MFHAS1: variants seen among roughly 807,000 people sequenced by gnomAD.
MFHAS1 encodes multifunctional ROCO family signaling regulator 1, also known as malignant fibrous histiocytoma-amplified sequence 1.
Under a neutral mutation model 70.4 loss-of-function variants are expected in MFHAS1, and 50 were observed. The observed-to-expected ratio is 0.71, with a 90% CI of 0.57 to 0.90. The LOEUF (loss-of-function observed/expected upper bound fraction) is 0.90, where lower values mean the gene tolerates loss of function less well. Ranked by LOEUF, MFHAS1 falls within the 40% of genes least tolerant of loss-of-function variation. The pLI is 0.00. For synonymous variants in MFHAS1, 952 were observed against 620.0 expected (o/e 1.54, Z -7.96); for missense variants, 1,795 against 1,347.6 (o/e 1.33, Z -5.20).
chr8:8,842,048 G>C (rs1236335892), intron 1 of MFHAS1, among the ~76,000 whole-genome samples: 5 of 152,372 alleles, frequency 3.3e-5, no homozygotes. Flanking sequence ...GGGAGGCTGA[G>C]TGCCAACAAG....
Position 8,797,578 on chromosome 8 carries a change from G to A in MFHAS1, c.2999-87C>T, listed in dbSNP as rs73517979. On this transcript the variant is annotated intron_variant, in intron 1 of 2. Coordinates refer to ENST00000276282, the MANE Select transcript of MFHAS1 (RefSeq NM_004225.3). ...AAAGACAGCACTGCCCGGGGATGGG[G>A]GCAGGGGGAGAAGGGCAGAGGTGAA... 6,799 of 1,441,270 alleles carry A rather than the reference G, an allele frequency of 4.7e-3. 260 individuals carry two copies. The African/African-American group carries it at 0.08, about 17-fold the overall frequency. The allele number at this position is 1,441,270 out of a possible 1,614,324, so 89.3% of individuals were successfully genotyped here.
chr8:8,804,506 T>C (rs892701866), intron 1 of MFHAS1, among the ~76,000 whole-genome samples: 1 of 152,170 alleles, frequency 6.6e-6, no homozygotes, highest in Non-Finnish European at 1.5e-5. Context: ...GTACAATCGG[T>C]AGGGTAAATA....
intron 1 of MFHAS1, among the ~76,000 whole-genome samples, chr8:8,825,605 GC>G (rs1563191400): frequency 2.6e-5 from 4 of 152,142 alleles, no homozygotes. Flanking sequence ...TCTTCACGTG[GC>G]CTTCCCTCTG....
intron 2 of MFHAS1, among the ~76,000 whole-genome samples, chr8:8,786,489 G>GA (rs1245175889): frequency 1.3e-5 from 2 of 152,184 alleles, no homozygotes; most frequent in African/African-American, 4.8e-5. Flanking sequence ...TGAGATGTCT[G>GA]TCTGCCTAAA....
At chr8:8,791,669 C>A (rs1334828883) in intron 2 of MFHAS1, among the ~76,000 whole-genome samples, 1 of 152,162 alleles carries the variant, frequency 6.6e-6, no homozygotes, top group East Asian at 1.9e-4. Flanking sequence ...CAAATAAAAG[C>A]TTTAAAAGAT....
intron 1 of MFHAS1, among the ~76,000 whole-genome samples, chr8:8,869,843 G>C (rs1307715145): frequency 6.6e-6 from 1 of 152,118 alleles, no homozygotes; most frequent in Non-Finnish European, 1.5e-5. Context: ...AGAGGCCCAG[G>C]ACTCTGCCTC....
In MFHAS1 at chr8:8,886,313, G is replaced by C. The variant is rs117201516; in HGVS notation, c.2998+3748C>G. Among the ~76,000 whole-genome samples, 311 of 152,068 alleles carry C rather than the reference G, an allele frequency of 2.0e-3. 1 individual carries two copies. The highest frequency in any genetic ancestry group is 2.6e-3 in the Non-Finnish European group (177 of 67,992). ...CCCAACTAGCTGGGACCACAAGTGT[G>C]CACGCTTAGCTGATTTTTATTTTTT... On this transcript the variant is annotated intron_variant, in intron 1 of 2. Transcript: ENST00000276282.
At chr8:8,867,976 C>A (rs892376754) in intron 1 of MFHAS1, among the ~76,000 whole-genome samples, 4 of 152,142 alleles carry the variant, frequency 2.6e-5, no homozygotes, top group African/African-American at 4.8e-5. Flanking sequence ...AAATGGAACT[C>A]GAGTTTTTCC....
chr8:8,843,195 G>A (rs1002093366), intron 1 of MFHAS1, among the ~76,000 whole-genome samples: 1 of 151,846 alleles, frequency 6.6e-6, no homozygotes, highest in Non-Finnish European at 1.5e-5. Context: ...CGTGAACCCC[G>A]GAAGCGGAGC....
chr8:8,863,209 C>T (rs1254590056), intron 1 of MFHAS1, among the ~76,000 whole-genome samples: 1 of 152,226 alleles, frequency 6.6e-6, no homozygotes, highest in Non-Finnish European at 1.5e-5. Context: ...GCCAATACTA[C>T]ACTGTCTTAA....
At chr8:8,792,077 A>G (rs938562732) in intron 2 of MFHAS1, among the ~76,000 whole-genome samples, 1 of 152,100 alleles carries the variant, frequency 6.6e-6, no homozygotes, top group Non-Finnish European at 1.5e-5. Context: ...ATCTCTACCA[A>G]AAATACAAAA....
intron 1 of MFHAS1, among the ~76,000 whole-genome samples, chr8:8,883,420 C>T (rs1809606511): frequency 6.6e-6 from 1 of 151,712 alleles, no homozygotes; most frequent in African/African-American, 2.4e-5. Flanking sequence ...AAAAAGGGCT[C>T]CCATGGGCCA....
At chr8:8,856,980 G>GAAAAAAAA (rs59496543) in intron 1 of MFHAS1, among the ~76,000 whole-genome samples, 4 of 53,370 alleles carry the variant, frequency 7.5e-5, no homozygotes, top group Admixed American at 2.5e-4. Context: ...TCAGGAAAGT[G>GAAAAAAAA]AAAAAAAAAA....
At chr8:8,799,729 C>T (rs1270448832) in intron 1 of MFHAS1, among the ~76,000 whole-genome samples, 2 of 152,188 alleles carry the variant, frequency 1.3e-5, no homozygotes, top group Non-Finnish European at 2.9e-5. Flanking sequence ...GCACTCCAAC[C>T]CGGGCGACAG....
chr8:8,855,807 G>C (rs562469809), intron 1 of MFHAS1, among the ~76,000 whole-genome samples: 23 of 152,290 alleles, frequency 1.5e-4, no homozygotes, highest in African/African-American at 5.1e-4. Context: ...AGTGAGCCGA[G>C]ATCACGCCAC....
chr8:8,795,784 G>A (rs536131202), intron 2 of MFHAS1, among the ~76,000 whole-genome samples: 33 of 152,256 alleles, frequency 2.2e-4, no homozygotes, highest in South Asian at 6.2e-4. Context: ...GAATGCAGCC[G>A]GACAGCAAGT....
intron 1 of MFHAS1, among the ~76,000 whole-genome samples, chr8:8,817,204 G>A (rs1203751670): frequency 6.6e-6 from 1 of 151,812 alleles, no homozygotes; most frequent in East Asian, 1.9e-4. Flanking sequence ...CTGATAAAAT[G>A]AGTAACCACC....
chr8:8,881,411 C>G (rs2116929601), intron 1 of MFHAS1, among the ~76,000 whole-genome samples: 1 of 152,320 alleles, frequency 6.6e-6, no homozygotes, highest in South Asian at 2.1e-4. Flanking sequence ...CCTTCCATGA[C>G]CTTCCAGGAA....
chr8:8,843,129 C>T (rs1173354008), intron 1 of MFHAS1, among the ~76,000 whole-genome samples: 10 of 151,932 alleles, frequency 6.6e-5, no homozygotes, highest in South Asian at 2.1e-4. Flanking sequence ...ATTAGCCGGG[C>T]GCGGTGGCGG....
Sources: gnomAD v4.1 joint callset for allele counts (sites outside exome capture counted in the v4.1 genomes callset) on GRCh38, gnomAD v4.1.1 for gene constraint, MANE v1.5 for transcripts, NCBI Gene and HGNC (gene_info 2026-07-23, HGNC 2026-07-21) for gene names.